Variants in NTRK2 observed in about 807,000 individuals in gnomAD.
NTRK2 encodes BDNF/NT-3 growth factors receptor.
Under a neutral mutation model 94.5 loss-of-function variants are expected in NTRK2, and 13 were observed. The observed-to-expected ratio is 0.14, with a 90% CI of 0.09 to 0.22. The LOEUF is 0.22. Ranked by LOEUF, NTRK2 falls within the 10% of genes least tolerant of loss-of-function variation. The pLI is 1.00. For synonymous variants in NTRK2, 372 were observed against 407.4 expected, an observed-to-expected ratio of 0.91 and a Z score of 1.05; for missense variants, 639 against 1,071.2, an observed-to-expected ratio of 0.60 and a Z score of 5.63.
rs138879059 is a variant in NTRK2, at chr9:85,020,286, C to T, written c.2253C>T (p.Asp751=). The change falls in exon 18 of 19, where the codon GAC becomes GAT. Residue 751 remains aspartate (D), a synonymous_variant. Transcript: ENST00000277120. ...IMYRKFTTES[D]VWSLGVVLWE... ...ACAGGAAATTCACGACGGAAAGCGA[C>T]GTCTGGAGCCTGGGGGTCGTGTTGT... 44 of 1,613,984 alleles carry T rather than the reference C, an allele frequency of 2.7e-5. No homozygotes were observed. The highest frequency in any genetic ancestry group is 6.7e-5 in the African/African-American group (5 of 74,898).
At chr9:84,698,363 T>C (rs1215608971) in intron 2 of NTRK2, among the ~76,000 whole-genome samples, 1 of 149,122 alleles carries the variant, frequency 6.7e-6, no homozygotes, top group East Asian at 2.0e-4. Context: ...TCTGTTCAAA[T>C]ATGTAGATCT....
At chr9:84,902,119 C>G (rs1390715491) in intron 14 of NTRK2, among the ~76,000 whole-genome samples, 1 of 151,430 alleles carries the variant, frequency 6.6e-6, no homozygotes, top group East Asian at 1.9e-4. Context: ...TTGTTTGAAC[C>G]TGGGAGTCAG....
intron 17 of NTRK2, among the ~76,000 whole-genome samples, chr9:85,005,573 A>ATACAGATAT (rs1830865784): frequency 6.6e-6 from 1 of 152,220 alleles, no homozygotes; most frequent in African/African-American, 2.4e-5. Context: ...GTAGATACAG[A>ATACAGATAT]TACAGATATA....
chr9:84,995,440 G>C (rs949176413), intron 17 of NTRK2, among the ~76,000 whole-genome samples: 1 of 152,056 alleles, frequency 6.6e-6, no homozygotes, highest in African/African-American at 2.4e-5. Flanking sequence ...TGCCCAATGA[G>C]ACCCTACAAA....
At position 84,813,997 on chromosome 9, in the gene NTRK2, G is replaced by T. The variant is rs200818540; in HGVS notation, c.1397-47043G>T. On this transcript the variant is annotated intron_variant, in intron 12 of 18. Transcript: ENST00000277120. Reference sequence around the variant, plus strand: ...CTCTGTGACGACAAAAGTACAAACAGTCTGAGGCTAAGAAAGGTTCATCTC... The same window carrying T: ...CTCTGTGACGACAAAAGTACAAACATTCTGAGGCTAAGAAAGGTTCATCTC... 7 of 1,065,076 alleles carry T rather than the reference G, an allele frequency of 6.6e-6. No individual in the cohort carries two copies. In the Admixed American group the frequency reaches 1.6e-4, roughly 24 times the overall value. The allele number at this position is 1,065,076 out of a possible 1,614,324, so 66.0% of individuals were successfully genotyped here. A position where few individuals can be genotyped will look rare whatever the true frequency, so the allele number is the denominator to read the frequency against.
intron 17 of NTRK2, among the ~76,000 whole-genome samples, chr9:85,018,594 G>A (rs189388342): frequency 1.3e-5 from 2 of 152,320 alleles, no homozygotes; most frequent in African/African-American, 2.4e-5. Context: ...CTCTCCCAAA[G>A]TCCTGGGCAC....
intron 17 of NTRK2, among the ~76,000 whole-genome samples, chr9:84,990,140 G>A (rs949939706): frequency 7.3e-6 from 1 of 136,842 alleles, no homozygotes; most frequent in Non-Finnish European, 1.6e-5. Context: ...GTAGGAGCTT[G>A]CTATTATCTC....
chr9:84,744,659 T>A (rs774799627), intron 10 of NTRK2, among the ~76,000 whole-genome samples: 3 of 152,218 alleles, frequency 2.0e-5, no homozygotes, highest in Non-Finnish European at 2.9e-5. Context: ...CCTGTCGTAC[T>A]TGTTTTAAAT....
chr9:84,822,665 G>A (rs2072927073), intron 12 of NTRK2, among the ~76,000 whole-genome samples: 1 of 152,148 alleles, frequency 6.6e-6, no homozygotes, highest in Non-Finnish European at 1.5e-5. Flanking sequence ...GTTCACTCTA[G>A]GGAGTTACTG....
chr9:84,940,018 C>T (rs111955088), intron 15 of NTRK2, among the ~76,000 whole-genome samples: 1 of 152,290 alleles, frequency 6.6e-6, no homozygotes, highest in Non-Finnish European at 1.5e-5. Context: ...AGGGATGACT[C>T]CTATTGGCTT....
At chr9:84,983,738 GC>G (rs922280440) in intron 17 of NTRK2, among the ~76,000 whole-genome samples, 1 of 152,032 alleles carries the variant, frequency 6.6e-6, no homozygotes, top group South Asian at 2.1e-4. Context: ...CTGCCCCTCC[GC>G]CCCCACACAC....
intron 12 of NTRK2, chr9:84,811,282 A>G (rs201996530): frequency 3.8e-6 from 4 of 1,065,436 alleles, no homozygotes; most frequent in Non-Finnish European, 4.5e-6. Flanking sequence ...CCAGCAAAAC[A>G]AAACAAAACA....
intron 4 of NTRK2, among the ~76,000 whole-genome samples, chr9:84,706,805 C>T (rs2061128298): frequency 6.6e-6 from 1 of 152,078 alleles, no homozygotes; most frequent in South Asian, 2.1e-4. Flanking sequence ...GCTGGGATTA[C>T]AGGCGTGAGC....
At chr9:84,787,760 T>C (rs373364413) in intron 12 of NTRK2, among the ~76,000 whole-genome samples, 3 of 152,196 alleles carry the variant, frequency 2.0e-5, no homozygotes, top group African/African-American at 7.2e-5. Flanking sequence ...TCCTACTGTA[T>C]AGAGTTGTTG....
intron 17 of NTRK2, among the ~76,000 whole-genome samples, chr9:84,960,419 G>C (rs931225246): frequency 2.6e-5 from 4 of 152,214 alleles, no homozygotes; most frequent in African/African-American, 9.6e-5. Flanking sequence ...GGCCAAGCAT[G>C]TAAGAAATAA....
intron 12 of NTRK2, chr9:84,812,345 C>T (rs2071900690): frequency 1.9e-6 from 2 of 1,058,694 alleles, no homozygotes; most frequent in Admixed American, 1.1e-4. Context: ...TACTTCATAC[C>T]CATGCCTTAA....
chr9:84,969,861 C>G (rs1352033967), intron 17 of NTRK2, among the ~76,000 whole-genome samples: 1 of 152,190 alleles, frequency 6.6e-6, no homozygotes, highest in Non-Finnish European at 1.5e-5. Flanking sequence ...ACTTCCTTTA[C>G]AGCATTGTAA....
chr9:84,824,995 T>G (rs1192843712), intron 12 of NTRK2, among the ~76,000 whole-genome samples: 5 of 151,342 alleles, frequency 3.3e-5, no homozygotes, highest in African/African-American at 1.2e-4. Context: ...AGATCAGTTT[T>G]TTTTTTTTTT....
intron 14 of NTRK2, among the ~76,000 whole-genome samples, chr9:84,889,397 T>A (rs1305282924): frequency 6.6e-6 from 1 of 152,212 alleles, no homozygotes; most frequent in African/African-American, 2.4e-5. Flanking sequence ...AAAAATACTT[T>A]TGTATTTTAT....
Sources: gnomAD v4.1 joint callset for allele counts (sites outside exome capture counted in the v4.1 genomes callset) on GRCh38, gnomAD v4.1.1 for gene constraint, MANE v1.5 for transcripts, NCBI Gene and HGNC (gene_info 2026-07-23, HGNC 2026-07-21) for gene names.